The following UTRN variants were observed in gnomAD, a reference collection of about 807,000 sequenced individuals.
UTRN encodes utrophin.
A neutral mutation model predicts 463.9 loss-of-function variants in UTRN; 283 were observed. The observed-to-expected ratio is 0.61, with a 90% CI of 0.55 to 0.67. UTRN has a LOEUF of 0.67. Among genes scored for constraint, UTRN ranks in the 30% least tolerant of loss-of-function variants. The probability of loss-of-function intolerance (pLI) is 0.00; values close to 1 mark genes in which losing one functional copy is unlikely to be tolerated. For synonymous variants in UTRN, 1,442 were observed against 1,431.5 expected, an observed-to-expected ratio of 1.01 and a Z score of -0.17; for missense variants, 3,922 against 4,084.3, an observed-to-expected ratio of 0.96 and a Z score of 1.08.
In UTRN at chr6:144,678,527, A is replaced by G. The variant is rs1781878203; in HGVS notation, c.7601A>G (p.Asp2534Gly). 1 of 1,612,904 alleles carries G rather than the reference A, an allele frequency of 6.2e-7. No individual in the cohort carries two copies. ...EEATMLQHRL[D>G]DMNQRWNDLK... ...GCTACTATGCTTCAACATCGACTGGATGATATGAACCAAAGATGGAATGAC... is the reference window on the plus strand; with the variant it reads ...GCTACTATGCTTCAACATCGACTGGGTGATATGAACCAAAGATGGAATGAC... The change falls in exon 52 of 75, where the codon GAT (aspartate) becomes GGT (glycine). Residue 2534 changes from aspartate to glycine, a missense_variant. This residue lies in a region of UTRN where 1,309 missense variants were observed against 1,452.6 expected (regional missense o/e 0.90). Coordinates refer to ENST00000367545, the MANE Select transcript of UTRN (RefSeq NM_007124.3).
chr6:144,603,892 C>T (rs1804535567), intron 51 of UTRN, among the ~76,000 whole-genome samples: 2 of 152,074 alleles, frequency 1.3e-5, no homozygotes, highest in Admixed American at 1.3e-4. Flanking sequence ...CAACTCTTGA[C>T]ACAGCAGTGG....
At chr6:144,749,555 G>T (rs1791155794) in intron 55 of UTRN, among the ~76,000 whole-genome samples, 1 of 152,208 alleles carries the variant, frequency 6.6e-6, no homozygotes, top group Non-Finnish European at 1.5e-5. Flanking sequence ...TGATAAATAG[G>T]TTCTTTATGC....
chr6:144,662,788 AAAG>A (rs1174416409), intron 51 of UTRN, among the ~76,000 whole-genome samples: 1 of 152,208 alleles, frequency 6.6e-6, no homozygotes, highest in Non-Finnish European at 1.5e-5. Flanking sequence ...TTCCCAGGTG[AAAG>A]CAGACCTTCA....
intron 2 of UTRN, among the ~76,000 whole-genome samples, chr6:144,333,608 A>G (rs760719686): frequency 3.3e-5 from 5 of 152,098 alleles, no homozygotes; most frequent in Admixed American, 1.3e-4. Flanking sequence ...TGTTTTTCCC[A>G]TTGGATCTTC....
intron 49 of UTRN, among the ~76,000 whole-genome samples, 155 bp downstream of exon 49, chr6:144,555,048 GA>G (rs1324143809): frequency 1.3e-5 from 2 of 152,106 alleles, no homozygotes; most frequent in African/African-American, 4.8e-5. Flanking sequence ...TGATCTGGAA[GA>G]TTTTTTTCGA....
chr6:144,663,506 G>C (rs1468864921), intron 51 of UTRN, among the ~76,000 whole-genome samples: 1 of 152,104 alleles, frequency 6.6e-6, no homozygotes, highest in Non-Finnish European at 1.5e-5. Flanking sequence ...ATTGTGTACT[G>C]TATTTCTTTT....
At chr6:144,309,111 CTCTT>C (rs374542013) in intron 2 of UTRN, among the ~76,000 whole-genome samples, 2 of 152,146 alleles carry the variant, frequency 1.3e-5, no homozygotes, top group African/African-American at 4.8e-5. Context: ...TCCTCCATGA[CTCTT>C]TCTTCATTTG....
intron 42 of UTRN, 106 bp downstream of exon 42, chr6:144,531,308 A>G: frequency 8.7e-7 from 1 of 1,155,416 alleles, no homozygotes; most frequent in Non-Finnish European, 1.1e-6. Flanking sequence ...TTCAGAAGTC[A>G]ATGGACAATT....
intron 51 of UTRN, among the ~76,000 whole-genome samples, chr6:144,673,030 T>G (rs1221056264): frequency 2.0e-5 from 3 of 152,138 alleles, no homozygotes; most frequent in African/African-American, 7.2e-5. Context: ...TGTGGTCTTC[T>G]GAGAGAGCAC....
chr6:144,690,767 C>G (rs941715690), intron 52 of UTRN, among the ~76,000 whole-genome samples: 1 of 152,138 alleles, frequency 6.6e-6, no homozygotes, highest in Non-Finnish European at 1.5e-5. Flanking sequence ...AGCTCCGGAG[C>G]TGGGTAGGGT....
intron 2 of UTRN, among the ~76,000 whole-genome samples, chr6:144,360,803 A>C (rs550193050): frequency 6.6e-6 from 1 of 152,322 alleles, no homozygotes; most frequent in African/African-American, 2.4e-5. Flanking sequence ...AACTTGCTTG[A>C]TAATGACCTT....
chr6:144,467,607 G>A (rs1276755798), intron 23 of UTRN, among the ~76,000 whole-genome samples: 3 of 152,122 alleles, frequency 2.0e-5, no homozygotes, highest in East Asian at 1.9e-4. Flanking sequence ...GCTCTGACCC[G>A]GAATCTGGAG....
chr6:144,733,469 A>AT (rs1228020251), intron 54 of UTRN, among the ~76,000 whole-genome samples: 2 of 151,138 alleles, frequency 1.3e-5, no homozygotes, highest in African/African-American at 4.9e-5. Context: ...GTTAGCTGAG[A>AT]TAGCAACCCA....
At position 144,486,804 on chromosome 6, in the gene UTRN, G is replaced by A. The variant is rs1792499142; in HGVS notation, c.3823-744G>A. ...CAATGTGCTAGGATTAGAGGTGTGAGCCATCGCACTTGGCCAGGCTTTGGA... is the reference window on the plus strand; with the variant it reads ...CAATGTGCTAGGATTAGAGGTGTGAACCATCGCACTTGGCCAGGCTTTGGA... On this transcript the variant is annotated intron_variant, in intron 28 of 74. Transcript: ENST00000367545. Among the ~76,000 whole-genome samples the A allele has an allele frequency of 2.6e-5, 4 of 152,210 alleles. No homozygotes were observed. In the South Asian group the frequency reaches 6.2e-4, roughly 24 times the overall value.
At chr6:144,630,598 G>A (rs543899842) in intron 51 of UTRN, among the ~76,000 whole-genome samples, 86 of 152,300 alleles carry the variant, frequency 5.6e-4, no homozygotes, top group Admixed American at 1.2e-3. Context: ...CCCACAATAC[G>A]TGGGGATTAT....
intron 51 of UTRN, among the ~76,000 whole-genome samples, chr6:144,632,694 TA>T (rs1776654055): frequency 6.6e-6 from 1 of 152,050 alleles, no homozygotes; most frequent in African/African-American, 2.4e-5. Context: ...TGTGTAAGAA[TA>T]GACTTATTTT....
At chr6:144,559,729 A>G (rs1799691804) in intron 50 of UTRN, among the ~76,000 whole-genome samples, 1 of 152,100 alleles carries the variant, frequency 6.6e-6, no homozygotes, top group Non-Finnish European at 1.5e-5. Context: ...TTTTAATACC[A>G]TGATATACTG....
At chr6:144,807,892 G>A (rs1447634061) in intron 65 of UTRN, among the ~76,000 whole-genome samples, 1 of 152,032 alleles carries the variant, frequency 6.6e-6, no homozygotes, top group African/African-American at 2.4e-5. Context: ...GCTCGTATCT[G>A]ACTTTATAAA....
At chr6:144,333,813 T>C (rs1776508843) in intron 2 of UTRN, among the ~76,000 whole-genome samples, 1 of 152,256 alleles carries the variant, frequency 6.6e-6, no homozygotes, top group African/African-American at 2.4e-5. Flanking sequence ...TATATACTAG[T>C]GTAGATTTTG....
Sources: allele counts gnomAD v4.1 joint callset (sites outside exome capture counted in the v4.1 genomes callset), GRCh38; gene constraint gnomAD v4.1.1; regional missense constraint gnomAD v4.1.1; transcripts MANE v1.5; gene names NCBI Gene and HGNC (gene_info 2026-07-23, HGNC 2026-07-21).